TSGA10: variants seen among roughly 807,000 people sequenced by gnomAD.
TSGA10 encodes testis-specific gene 10 protein.
A neutral mutation model predicts 96.6 loss-of-function variants in TSGA10; 43 were observed. The observed-to-expected ratio is 0.44, with a 90% CI of 0.35 to 0.57. The LOEUF (loss-of-function observed/expected upper bound fraction) is 0.57, where lower values mean the gene tolerates loss of function less well. Among genes scored for constraint, TSGA10 ranks in the 20% least tolerant of loss-of-function variants. The pLI is 0.01. For missense variants in TSGA10, 703 were observed against 834.4 expected (o/e 0.84, Z 1.94); for synonymous variants, 229 against 269.9 (o/e 0.85, Z 1.48).
In TSGA10 at chr2:99,013,056, C is replaced by T. The variant is rs562336366; in HGVS notation, c.2072+5144G>A. 9.6e-4 allele frequency among the ~76,000 whole-genome samples: 146 copies of T among 151,900 alleles called. 1 individual carries two copies. The highest frequency in any genetic ancestry group is 3.9e-3 in the Admixed American group (60 of 15,276). ...TGCTCTGATCTTTGTTATTTCTTTT[C>T]TTCTGCTGGGTTTAGGTTTGGTTTG... On this transcript the variant is annotated intron_variant, in intron 20 of 20. Coordinates refer to ENST00000393483, the MANE Select transcript of TSGA10 (RefSeq NM_025244.4).
Position 99,110,928 on chromosome 2 carries a change from TA to T in TSGA10, c.-139-14del, listed in dbSNP as rs11352300. On this transcript the variant is annotated splice_polypyrimidine_tract_variant and intron_variant, in intron 4 of 20. Coordinates refer to ENST00000393483, the MANE Select transcript of TSGA10 (RefSeq NM_025244.4). ...AAATGAGATCAATCTGAAGAAAAAG[TA>T]AAAAAAAAAAAAATTATTTCTATTA... is the stretch of plus-strand genomic sequence containing the variant. The T allele has an allele frequency of 0.42, 225,630 of 539,670 alleles. 24,268 individuals are homozygous for T. Among genetic ancestry groups the T allele is most frequent in the East Asian group, 0.81 (5,216 of 6,438 alleles). 33.4% of individuals were successfully genotyped at this position (539,670 alleles called of 1,614,324 possible).
chr2:99,017,389 G>C (rs994880857), intron 20 of TSGA10, among the ~76,000 whole-genome samples: 9 of 152,278 alleles, frequency 5.9e-5, no homozygotes, highest in African/African-American at 2.2e-4. Flanking sequence ...TTATTCTAAG[G>C]GAAGTAACTC....
chr2:99,067,417 G>A (rs4641992), intron 15 of TSGA10, among the ~76,000 whole-genome samples: 1 of 152,244 alleles, frequency 6.6e-6, no homozygotes. Flanking sequence ...TTGAGCCTAA[G>A]AAGCTTGATG....
At chr2:99,144,947 G>A (rs2105129702) in intron 1 of TSGA10, among the ~76,000 whole-genome samples, 1 of 152,328 alleles carries the variant, frequency 6.6e-6, no homozygotes. Flanking sequence ...CTTGCTAGTA[G>A]AGTTGTTTGC....
intron 17 of TSGA10, among the ~76,000 whole-genome samples, chr2:99,024,134 AGGCAGAGTGCAGT>A (rs1446018227): frequency 4.7e-4 from 72 of 151,642 alleles, no homozygotes; most frequent in African/African-American, 1.7e-3. Flanking sequence ...CTCTGTCACC[AGGCAGAGTGCAGT>A]GGCATAATCT....
Position 99,019,520 on chromosome 2 carries a change from C to T in TSGA10, c.1817+760G>A, listed in dbSNP as rs762057140. ...TTTCTGAAGGAAACTGGCCCTGGCT[C>T]TGAAGCCCTTGCCTAGTCAGGGGCT... is the stretch of plus-strand genomic sequence containing the variant. On this transcript the variant is annotated intron_variant, in intron 18 of 20. Transcript: ENST00000393483. 4.3e-4 allele frequency among the ~76,000 whole-genome samples: 65 copies of T among 152,190 alleles called. 2 individuals carry two copies. The highest frequency in any genetic ancestry group is 1.3e-4 in the Non-Finnish European group (9 of 68,026).
chr2:98,999,173 G>C (rs1013014241), intron 20 of TSGA10, among the ~76,000 whole-genome samples: 1 of 152,046 alleles, frequency 6.6e-6, no homozygotes, highest in African/African-American at 2.4e-5. Context: ...TGGGATTATA[G>C]TCAGGAGCCA....
intron 1 of TSGA10, among the ~76,000 whole-genome samples, chr2:99,131,390 T>C (rs2093075923): frequency 6.6e-6 from 1 of 152,178 alleles, no homozygotes; most frequent in Non-Finnish European, 1.5e-5. Flanking sequence ...GTAGCAATTG[T>C]GAATGGGAGG....
At chr2:99,111,757 T>C (rs747350978) in intron 4 of TSGA10, among the ~76,000 whole-genome samples, 1 of 152,124 alleles carries the variant, frequency 6.6e-6, no homozygotes, top group Non-Finnish European at 1.5e-5. Flanking sequence ...ACCTTATGTA[T>C]AGCCTTGAAT....
intron 10 of TSGA10, among the ~76,000 whole-genome samples, chr2:99,096,805 G>A (rs1052798918): frequency 6.6e-6 from 1 of 152,148 alleles, no homozygotes; most frequent in South Asian, 2.1e-4. Flanking sequence ...TGATGTGATT[G>A]GTCACTGGTC....
In TSGA10 at chr2:99,151,187, C is replaced by T. The variant is rs148829737; in HGVS notation, c.-621+3506G>A. 4.8e-5 allele frequency: 8 copies of T among 166,858 alleles called. No individual in the cohort carries two copies. The East Asian group carries it at 1.0e-3, about 21-fold the overall frequency. The allele number at this position is 166,858 out of a possible 1,614,324, so 10.3% of individuals were successfully genotyped here. A position where few individuals can be genotyped will look rare whatever the true frequency, so the allele number is the denominator to read the frequency against. On this transcript the variant is annotated intron_variant, in intron 1 of 20. Coordinates refer to ENST00000393483, the MANE Select transcript of TSGA10 (RefSeq NM_025244.4). ...TAAAAAAAGTGTCCAAGCAGCCGGGCGCAGTGGCTCACACCTGTAATCCCA... is the reference window on the plus strand; with the variant it reads ...TAAAAAAAGTGTCCAAGCAGCCGGGTGCAGTGGCTCACACCTGTAATCCCA...
intron 1 of TSGA10, among the ~76,000 whole-genome samples, chr2:99,133,971 T>A (rs564125706): frequency 6.6e-6 from 1 of 152,348 alleles, no homozygotes; most frequent in Non-Finnish European, 1.5e-5. Flanking sequence ...TCTGATAGGC[T>A]TCCCTTTGTG....
At chr2:99,003,282 G>A (rs1160538724) in intron 20 of TSGA10, among the ~76,000 whole-genome samples, 1 of 152,180 alleles carries the variant, frequency 6.6e-6, no homozygotes, top group African/African-American at 2.4e-5. Flanking sequence ...CAATACAGGA[G>A]CACCCAGATT....
intron 16 of TSGA10, among the ~76,000 whole-genome samples, chr2:99,041,430 C>A (rs1490772595): frequency 6.6e-6 from 1 of 152,166 alleles, no homozygotes; most frequent in East Asian, 1.9e-4. Context: ...CAACTTCAAA[C>A]TATACTACAA....
intron 5 of TSGA10, among the ~76,000 whole-genome samples, chr2:99,109,935 C>T (rs368492740): frequency 1.3e-5 from 2 of 152,060 alleles, no homozygotes; most frequent in African/African-American, 4.8e-5. Flanking sequence ...GAGGCCGAGG[C>T]GGGCAGATCA....
intron 1 of TSGA10, among the ~76,000 whole-genome samples, chr2:99,135,756 C>T (rs2093296482): frequency 6.6e-6 from 1 of 152,258 alleles, no homozygotes; most frequent in South Asian, 2.1e-4. Context: ...TGCCCATAAT[C>T]CCAGCACTTT....
intron 17 of TSGA10, 91 bp from the exon 18 acceptor site, chr2:99,020,573 T>C: frequency 1.1e-6 from 1 of 947,094 alleles, no homozygotes; most frequent in Non-Finnish European, 1.6e-6. Flanking sequence ...TCATAATCTG[T>C]TATAAACTGG....
At chr2:99,112,856 C>G (rs2091932237) in intron 4 of TSGA10, among the ~76,000 whole-genome samples, 2 of 143,558 alleles carry the variant, frequency 1.4e-5, no homozygotes, top group African/African-American at 2.5e-5. Flanking sequence ...TTGTTGTCCC[C>G]CACCCCACCC....
Position 99,020,598 on chromosome 2 carries a change from G to A in TSGA10, c.1615-116C>T, listed in dbSNP as rs192199583. On this transcript the variant is annotated intron_variant, in intron 17 of 20. Transcript: ENST00000393483. ...TTATAAACTGGCAACTACTTTTAAT[G>A]TGATTTGAAATTGTGTCCCTCCTTC... is the stretch of plus-strand genomic sequence containing the variant. 19 of 691,444 alleles carry A rather than the reference G, an allele frequency of 2.7e-5. No individual in the cohort carries two copies. In the African/African-American group the frequency reaches 3.2e-4, roughly 12 times the overall value. The allele number at this position is 691,444 out of a possible 1,614,324, so 42.8% of individuals were successfully genotyped here.
Sources: gnomAD v4.1 joint callset for allele counts (sites outside exome capture counted in the v4.1 genomes callset) on GRCh38, gnomAD v4.1.1 for gene constraint, MANE v1.5 for transcripts, NCBI Gene and HGNC (gene_info 2026-07-23, HGNC 2026-07-21) for gene names.